Variants in SH3PXD2A observed in about 807,000 individuals in gnomAD.
SH3PXD2A encodes SH3 and PX domains 2A.
Under a neutral mutation model 115.2 loss-of-function variants are expected in SH3PXD2A, and 32 were observed. The ratio of observed to expected loss-of-function variants is 0.28; its 90% CI spans 0.21 to 0.37. The LOEUF (loss-of-function observed/expected upper bound fraction) is 0.37, where lower values mean the gene tolerates loss of function less well. Ranked by LOEUF, SH3PXD2A falls within the 10% of genes least tolerant of loss-of-function variation. SH3PXD2A has a pLI of 1.00. For synonymous variants in SH3PXD2A, 610 were observed against 629.1 expected, an observed-to-expected ratio of 0.97 and a Z score of 0.45; for missense variants, 1,328 against 1,498.7, an observed-to-expected ratio of 0.89 and a Z score of 1.88.
intron 8 of SH3PXD2A, among the ~76,000 whole-genome samples, chr10:103,659,271 T>G (rs959273305): frequency 3.9e-5 from 6 of 152,162 alleles, no homozygotes; most frequent in East Asian, 1.9e-4. Flanking sequence ...CCCAAAGACA[T>G]GGGGGCTCAC....
chr10:103,653,239 G>T (rs572507805), intron 8 of SH3PXD2A, among the ~76,000 whole-genome samples: 5 of 152,216 alleles, frequency 3.3e-5, no homozygotes, highest in African/African-American at 1.2e-4. Flanking sequence ...TAGTCAGCTC[G>T]TACAGATTTA....
chr10:103,702,734 C>A (rs1026350185), intron 5 of SH3PXD2A, among the ~76,000 whole-genome samples: 1 of 152,112 alleles, frequency 6.6e-6, no homozygotes, highest in Non-Finnish European at 1.5e-5. Context: ...TGAGAACAAC[C>A]CAGCGGCAGT....
intron 1 of SH3PXD2A, among the ~76,000 whole-genome samples, chr10:103,806,595 A>C (rs1472513408): frequency 1.3e-5 from 2 of 152,344 alleles, no homozygotes; most frequent in African/African-American, 4.8e-5. Context: ...CCTCAGGAGC[A>C]GTCAAGATAA....
intron 5 of SH3PXD2A, among the ~76,000 whole-genome samples, chr10:103,723,080 T>G (rs894109381): frequency 2.6e-5 from 4 of 152,186 alleles, no homozygotes; most frequent in African/African-American, 9.7e-5. Flanking sequence ...GAAAGTGCAG[T>G]GTGAATGGCA....
At chr10:103,676,275 G>A (rs899801619) in intron 6 of SH3PXD2A, among the ~76,000 whole-genome samples, 1 of 152,198 alleles carries the variant, frequency 6.6e-6, no homozygotes, top group African/African-American at 2.4e-5. Flanking sequence ...GAACACGTGT[G>A]GGGGCAGCCC....
intron 3 of SH3PXD2A, among the ~76,000 whole-genome samples, chr10:103,747,749 G>T (rs1364198550): frequency 6.6e-6 from 1 of 152,182 alleles, no homozygotes; most frequent in Non-Finnish European, 1.5e-5. Flanking sequence ...CAGCCACAGG[G>T]GAGTTTGCCT....
chr10:103,609,152 T>A lies in SH3PXD2A; in HGVS notation c.1308+2429A>T, dbSNP rs1274674455. Reference sequence around the variant, plus strand: ...GCCCAACTGACAGAGTGAGACTCTGTCTCTGAAAAAAAAAAAAAAAAAGAA... The same window carrying A: ...GCCCAACTGACAGAGTGAGACTCTGACTCTGAAAAAAAAAAAAAAAAAGAA... On this transcript the variant is annotated intron_variant, in intron 13 of 14. Transcript: ENST00000369774. 7.0e-5 allele frequency: 10 copies of A among 143,280 alleles called. No homozygotes were observed. The Admixed American group carries it at 7.0e-4, about 10-fold the overall frequency. The allele number at this position is 143,280 out of a possible 1,614,324, so 8.9% of individuals were successfully genotyped here.
At chr10:103,704,354 G>A (rs2037956806) in intron 5 of SH3PXD2A, among the ~76,000 whole-genome samples, 1 of 152,108 alleles carries the variant, frequency 6.6e-6, no homozygotes, top group Admixed American at 6.5e-5. Context: ...TGGGGTGTCT[G>A]TACAGAGATG....
intron 2 of SH3PXD2A, among the ~76,000 whole-genome samples, chr10:103,774,351 A>G (rs1334137295): frequency 6.6e-6 from 1 of 152,236 alleles, no homozygotes; most frequent in African/African-American, 2.4e-5. Context: ...AAGCTCATCC[A>G]GTGAAATTTT....
intron 2 of SH3PXD2A, among the ~76,000 whole-genome samples, chr10:103,769,827 ATT>A (rs201225847): frequency 1.3e-5 from 2 of 151,728 alleles, no homozygotes; most frequent in Non-Finnish European, 2.9e-5. Flanking sequence ...TCTAAACAGG[ATT>A]TTTTTTTCTT....
intron 11 of SH3PXD2A, 69 bp from the exon 12 acceptor site, chr10:103,613,259 G>C: frequency 7.9e-7 from 1 of 1,267,166 alleles, no homozygotes; most frequent in Non-Finnish European, 1.1e-6. Context: ...CAGGCCCTAG[G>C]ATCCATCTGG....
rs372858484 is a variant in SH3PXD2A, at chr10:103,603,465, G to A, written c.1753C>T (p.Arg585Trp). The change falls in exon 15 of 15, where the codon CGG becomes TGG. Residue 585 changes from arginine to tryptophan, a missense_variant. This residue lies in a region of SH3PXD2A where 509 missense variants were observed against 628.3 expected (regional missense o/e 0.81). Transcript: ENST00000369774. ...PVEDRASGER[R>W]PAQPHRPSPA... The stretch of plus-strand genomic sequence containing the variant: ...GAGGGCCGGTGGGGCTGGGCAGGCC[G>A]CCTCTCCCCTGAGGCTCTGTCCTCC... 1.9e-6 allele frequency: 3 copies of A among 1,611,808 alleles called. No homozygotes were observed. Among genetic ancestry groups the A allele is most frequent in the East Asian group, 2.2e-5 (1 of 44,882 alleles).
rs2036290819 is a variant in SH3PXD2A, at chr10:103,605,764, G to A, written c.1428+34C>T. 2.5e-6 allele frequency: 4 copies of A among 1,613,782 alleles called. No individual in the cohort carries two copies. The East Asian group carries it at 6.7e-5, about 27-fold the overall frequency. On this transcript the variant is annotated intron_variant, in intron 14 of 14. Transcript: ENST00000369774. ...TGCAGTAGGTTTTCCACCACAATGA[G>A]TTAAAACCCTCGGCCTCATGGCCCA... is the stretch of plus-strand genomic sequence containing the variant.
intron 7 of SH3PXD2A, chr10:103,661,553 G>A: frequency 1.5e-6 from 1 of 678,850 alleles, no homozygotes; most frequent in Non-Finnish European, 1.8e-6. Flanking sequence ...CGAGCCAGCG[G>A]GTGGGCGGCC....
At chr10:103,656,459 C>T (rs2037213301) in intron 8 of SH3PXD2A, among the ~76,000 whole-genome samples, 1 of 152,242 alleles carries the variant, frequency 6.6e-6, no homozygotes, top group African/African-American at 2.4e-5. Context: ...CAACGCCACT[C>T]AAACAAGCTG....
chr10:103,813,270 G>A (rs538859061), intron 1 of SH3PXD2A, among the ~76,000 whole-genome samples: 1 of 152,178 alleles, frequency 6.6e-6, no homozygotes, highest in Non-Finnish European at 1.5e-5. Flanking sequence ...TGGAATGAGA[G>A]AGAGGAGAAA....
intron 1 of SH3PXD2A, among the ~76,000 whole-genome samples, chr10:103,850,505 G>A (rs753904469): frequency 2.6e-5 from 4 of 152,206 alleles, no homozygotes; most frequent in Non-Finnish European, 4.4e-5. Flanking sequence ...AGGCAAGAGT[G>A]TTAACCCATG....
At chr10:103,705,722 GA>G (rs796384763) in intron 5 of SH3PXD2A, among the ~76,000 whole-genome samples, 36 of 152,316 alleles carry the variant, frequency 2.4e-4, no homozygotes, top group African/African-American at 8.4e-4. Context: ...AATCCAGACA[GA>G]AAAGCTAAAT....
At chr10:103,660,743 C>T (rs1384243856) in intron 8 of SH3PXD2A, among the ~76,000 whole-genome samples, 2 of 152,236 alleles carry the variant, frequency 1.3e-5, no homozygotes, top group Non-Finnish European at 2.9e-5. Context: ...GTGCCTGAAA[C>T]GTGCAATTAA....
Sources: gnomAD v4.1 joint callset for allele counts (sites outside exome capture counted in the v4.1 genomes callset) on GRCh38, gnomAD v4.1.1 for gene constraint, gnomAD v4.1.1 regional missense constraint, MANE v1.5 for transcripts, NCBI Gene and HGNC (gene_info 2026-07-23, HGNC 2026-07-21) for gene names.